The following GTF2F2 variants were observed in gnomAD, a reference collection of about 807,000 sequenced individuals.
GTF2F2 encodes ATP-dependent helicase GTF2F2.
GTF2F2 carries 23 observed loss-of-function variants against 42.2 expected under a neutral mutation model. The ratio of observed to expected loss-of-function variants is 0.55; its 90% CI spans 0.39 to 0.77. The LOEUF (loss-of-function observed/expected upper bound fraction) is 0.77, where lower values mean the gene tolerates loss of function less well. Among genes scored for constraint, GTF2F2 ranks in the 30% least tolerant of loss-of-function variants. The pLI is 0.00. For missense variants in GTF2F2, 261 were observed against 287.2 expected (o/e 0.91, Z 0.66); for synonymous variants, 105 against 100.8 (o/e 1.04, Z -0.25).
At chr13:45,244,469 T>C (rs185041143) in intron 5 of GTF2F2, among the ~76,000 whole-genome samples, 1 of 152,344 alleles carries the variant, frequency 6.6e-6, no homozygotes, top group East Asian at 1.9e-4. Context: ...CATTTTATTC[T>C]TGTTGTATTT....
At chr13:45,194,147 T>A (rs185309053) in intron 4 of GTF2F2, 1 of 1,614,106 alleles carries the variant, frequency 6.2e-7, no homozygotes, top group South Asian at 1.1e-5. Context: ...TCCAAGAAAG[T>A]AGTCTCTCTG....
intron 5 of GTF2F2, among the ~76,000 whole-genome samples, chr13:45,248,591 A>C (rs1342041166): frequency 6.6e-6 from 1 of 152,098 alleles, no homozygotes; most frequent in Non-Finnish European, 1.5e-5. Flanking sequence ...TTCCTGCCTC[A>C]GCCTCCTGAG....
chr13:45,267,680 T>C (rs990866768), intron 7 of GTF2F2, among the ~76,000 whole-genome samples: 1 of 152,212 alleles, frequency 6.6e-6, no homozygotes, highest in Non-Finnish European at 1.5e-5. Flanking sequence ...CCTATCTTCC[T>C]CTGAGAAAGT....
At chr13:45,261,051 G>A (rs757109827) in intron 6 of GTF2F2, among the ~76,000 whole-genome samples, 1 of 152,022 alleles carries the variant, frequency 6.6e-6, no homozygotes, top group Non-Finnish European at 1.5e-5. Context: ...ACTTGAACAC[G>A]GGAGACGGAG....
intron 2 of GTF2F2, among the ~76,000 whole-genome samples, chr13:45,140,176 C>T (rs2138105313): frequency 1.3e-5 from 2 of 150,726 alleles, no homozygotes; most frequent in South Asian, 4.2e-4. Context: ...TGGTCTCAAA[C>T]TCCTGGGCTT....
At chr13:45,165,392 A>T (rs1265593296) in intron 4 of GTF2F2, among the ~76,000 whole-genome samples, 3 of 149,796 alleles carry the variant, frequency 2.0e-5, no homozygotes, top group African/African-American at 7.4e-5. Flanking sequence ...TAGTAGCACA[A>T]TCTCAGCTTA....
intron 5 of GTF2F2, among the ~76,000 whole-genome samples, chr13:45,239,946 G>T (rs942542897): frequency 3.3e-5 from 5 of 151,928 alleles, no homozygotes; most frequent in Admixed American, 6.6e-5. Context: ...TCACAATTCT[G>T]CCAGGACTTA....
chr13:45,147,984 T>A (rs765915997), intron 2 of GTF2F2, among the ~76,000 whole-genome samples: 6 of 152,240 alleles, frequency 3.9e-5, no homozygotes, highest in Non-Finnish European at 7.3e-5. Flanking sequence ...TATTTGTAGT[T>A]GTTTATGATT....
rs1173989042 is a variant in GTF2F2 at position 45,267,645 on chromosome 13, C to T, written c.630+269C>T. On this transcript the variant is annotated intron_variant, in intron 7 of 7. Transcript: ENST00000340473. ...ACATTAAGCCTGAAATCTGTTGATA[C>T]CATTTCTGGTCTTTATTTTGTTTCC... 1.2e-4 allele frequency among the ~76,000 whole-genome samples: 18 copies of T among 152,058 alleles called. 1 individual carries two copies.
intron 2 of GTF2F2, among the ~76,000 whole-genome samples, chr13:45,137,518 C>G (rs1396101453): frequency 3.3e-5 from 5 of 152,232 alleles, no homozygotes; most frequent in Admixed American, 3.3e-4. Context: ...GCTGATAATT[C>G]TATGGATCAA....
intron 5 of GTF2F2, among the ~76,000 whole-genome samples, chr13:45,242,949 A>G (rs1000781530): frequency 1.3e-5 from 2 of 152,178 alleles, no homozygotes; most frequent in Non-Finnish European, 2.9e-5. Flanking sequence ...CATCCTGTAA[A>G]ATACTTGGAG....
rs1358514120 is a variant in GTF2F2, at chr13:45,280,796, A to G, written c.631-2646A>G. 2.0e-5 allele frequency among the ~76,000 whole-genome samples: 3 copies of G among 152,248 alleles called. No individual in the cohort carries two copies. The East Asian group carries it at 5.8e-4, about 29-fold the overall frequency. ...CTGGGCCTAGATTATAAATGGGCAC[A>G]CTAGACTTGAAGTCAGGAGAGCTTC... is the stretch of plus-strand genomic sequence containing the variant. On this transcript the variant is annotated intron_variant, in intron 7 of 7. Coordinates refer to ENST00000340473, the MANE Select transcript of GTF2F2 (RefSeq NM_004128.3).
chr13:45,245,294 AT>A (rs563994849), intron 5 of GTF2F2, among the ~76,000 whole-genome samples: 4,322 of 148,304 alleles, frequency 0.029, 103 homozygotes, highest in African/African-American at 0.059. Context: ...ATTCTTTAAA[AT>A]TTTTTTTTTT....
chr13:45,230,093 G>T (rs1481949318), intron 5 of GTF2F2, among the ~76,000 whole-genome samples: 2 of 152,080 alleles, frequency 1.3e-5, no homozygotes, highest in Non-Finnish European at 2.9e-5. Flanking sequence ...GCACACACCT[G>T]TAATCCCAGC....
intron 1 of GTF2F2, 125 bp downstream of exon 1, chr13:45,120,846 A>G (rs991545428): frequency 3.2e-5 from 22 of 677,016 alleles, no homozygotes; most frequent in Non-Finnish European, 5.0e-5. Flanking sequence ...AGCTTCACAC[A>G]TTTTGAGAGG....
At chr13:45,191,224 A>AAAAAAAAAAT in intron 4 of GTF2F2, among the ~76,000 whole-genome samples, 11 of 75,298 alleles carry the variant, frequency 1.5e-4, no homozygotes, top group African/African-American at 3.0e-4. Context: ...ACAAAAAAAA[A>AAAAAAAAAAT]ATATATATAT....
chr13:45,216,779 C>G (rs983151644), intron 5 of GTF2F2, among the ~76,000 whole-genome samples: 2 of 151,900 alleles, frequency 1.3e-5, no homozygotes, highest in Non-Finnish European at 2.9e-5. Flanking sequence ...TCAGCCTCCC[C>G]AAGTGCTGGG....
At chr13:45,165,150 C>T (rs2138136593) in intron 4 of GTF2F2, among the ~76,000 whole-genome samples, 1 of 149,392 alleles carries the variant, frequency 6.7e-6, no homozygotes, top group East Asian at 2.0e-4. Flanking sequence ...AGGTACTAGG[C>T]AACATTAAGA....
chr13:45,170,637 T>G (rs1377729898), intron 4 of GTF2F2, among the ~76,000 whole-genome samples: 1 of 152,214 alleles, frequency 6.6e-6, no homozygotes, highest in Non-Finnish European at 1.5e-5. Flanking sequence ...AAAGGTTCTG[T>G]GGCTTTGAAG....
Sources: allele counts gnomAD v4.1 joint callset (sites outside exome capture counted in the v4.1 genomes callset), GRCh38; gene constraint gnomAD v4.1.1; transcripts MANE v1.5; gene names NCBI Gene and HGNC (gene_info 2026-07-23, HGNC 2026-07-21).